The following VAV1 variants were observed in gnomAD, a reference collection of about 807,000 sequenced individuals.
The protein encoded by VAV1 is proto-oncogene vav.
Under a neutral mutation model 128.1 loss-of-function variants are expected in VAV1, and 33 were observed. The observed-to-expected ratio is 0.26, with a 90% CI of 0.20 to 0.34. The LOEUF (loss-of-function observed/expected upper bound fraction) is 0.34. Ranked by LOEUF, VAV1 falls within the 10% of genes least tolerant of loss-of-function variation. The probability of loss-of-function intolerance (pLI) is 1.00; values close to 1 mark genes in which losing one functional copy is unlikely to be tolerated. For missense variants in VAV1, 715 were observed against 1,093.7 expected, an observed-to-expected ratio of 0.65 and a Z score of 4.88; for synonymous variants, 394 against 409.8, an observed-to-expected ratio of 0.96 and a Z score of 0.47.
chr19:6,821,958 A>C, intron 4 of VAV1, 99 bp downstream of exon 4: 11 of 1,506,210 alleles, frequency 7.3e-6, no homozygotes, highest in Non-Finnish European at 1.0e-5. Context: ...AAATAAGGTC[A>C]TACCCTGGTG....
chr19:6,825,407 G>A lies in VAV1; in HGVS notation c.827+1G>A, dbSNP rs1568305670. 6.2e-7 allele frequency: 1 copy of A among 1,610,614 alleles called. No individual in the cohort carries two copies. Among genetic ancestry groups the A allele is most frequent in the Non-Finnish European group, 8.5e-7 (1 of 1,177,392 alleles). On this transcript the variant is annotated splice_donor_variant, in intron 8 of 26. Transcript: ENST00000602142. LOFTEE classifies it high-confidence loss of function. ...AGGTCTTCATCAAATACAAGGAGAG[G>A]TGAGACCCAGCTGGCCAGACTGAAG...
At chr19:6,802,756 G>A (rs572725543) in intron 1 of VAV1, among the ~76,000 whole-genome samples, 39 of 152,278 alleles carry the variant, frequency 2.6e-4, no homozygotes, top group African/African-American at 9.1e-4. Context: ...ACAGACTTTG[G>A]GATCCAGTGC....
intron 26 of VAV1, among the ~76,000 whole-genome samples, chr19:6,856,032 T>C (rs1972790789): frequency 6.6e-6 from 1 of 152,204 alleles, no homozygotes; most frequent in South Asian, 2.1e-4. Flanking sequence ...TGGTGGCTTA[T>C]GCCTGTAATC....
At chr19:6,799,588 G>A (rs970366794) in intron 1 of VAV1, among the ~76,000 whole-genome samples, 1 of 152,092 alleles carries the variant, frequency 6.6e-6, no homozygotes, top group African/African-American at 2.4e-5. Context: ...TTCTCCGAAT[G>A]CTATCCCTCT....
In VAV1 at chr19:6,777,164, C is replaced by T. The variant is rs561393819; in HGVS notation, c.204+4153C>T. 3.3e-5 allele frequency among the ~76,000 whole-genome samples: 5 copies of T among 151,928 alleles called. No homozygotes were observed. In the South Asian group the frequency reaches 8.3e-4, roughly 25 times the overall value. On this transcript the variant is annotated intron_variant, in intron 1 of 26. Coordinates refer to ENST00000602142, the MANE Select transcript of VAV1 (RefSeq NM_005428.4). This position sits in a 1 kb window ranked among gnomAD's most constrained non-coding sequence, Gnocchi z 4.4. ...TCCCATCCATCCATCCACTCATCCA[C>T]CCGTCTACTCATCTATCCATTCATC...
At chr19:6,852,861 A>C (rs1183701014) in intron 24 of VAV1, 104 bp from the exon 25 acceptor site, 2 of 850,188 alleles carry the variant, frequency 2.4e-6, no homozygotes. Context: ...GAGGCCAGAA[A>C]CAGGGCCTGC....
intron 26 of VAV1, among the ~76,000 whole-genome samples, chr19:6,856,555 C>G (rs1475648211): frequency 3.3e-5 from 5 of 151,148 alleles, no homozygotes; most frequent in Non-Finnish European, 7.4e-5. Context: ...AACCCCGTCT[C>G]TACTAAAAAT....
intron 1 of VAV1, among the ~76,000 whole-genome samples, chr19:6,800,792 T>TTTTTTTTGTGTGTGTG (rs1555699757): frequency 6.8e-6 from 1 of 147,612 alleles, no homozygotes; most frequent in Admixed American, 6.7e-5. Flanking sequence ...TGGCAAATTT[T>TTTTTTTTGTGTGTGTG]TGTGTGTGTG....
chr19:6,787,530 T>C (rs890615471), intron 1 of VAV1, among the ~76,000 whole-genome samples: 1 of 152,136 alleles, frequency 6.6e-6, no homozygotes, highest in Non-Finnish European at 1.5e-5. Context: ...CCTCAATCAT[T>C]CTTTTCCCTC....
At chr19:6,834,613 T>C (rs1972172536) in intron 19 of VAV1, among the ~76,000 whole-genome samples, 1 of 146,416 alleles carries the variant, frequency 6.8e-6, no homozygotes, top group South Asian at 2.1e-4. Context: ...AATAATATAT[T>C]AATATTAATT....
At position 6,780,573 on chromosome 19, in the gene VAV1, C is replaced by CT. The variant is rs34155628; in HGVS notation, c.204+7578dup. Among the ~76,000 whole-genome samples the CT allele has an allele frequency of 2.8e-3, 365 of 128,886 alleles. 7 individuals are homozygous for CT. Among genetic ancestry groups the CT allele is most frequent in the East Asian group, 0.012 (54 of 4,620 alleles). 84.6% of individuals were successfully genotyped at this position (128,886 alleles called of 152,430 possible). On this transcript the variant is annotated intron_variant, in intron 1 of 26. Transcript: ENST00000602142. ...TGCCTTCTCCTTTTCTTTCTTTTTT[C>CT]TTTTTTTTTTTTTTTTGGGACGGAG...
At chr19:6,853,100 G>A (rs1972707868) in intron 25 of VAV1, 21 bp downstream of exon 25, 12 of 1,606,682 alleles carry the variant, frequency 7.5e-6, no homozygotes, top group Non-Finnish European at 8.5e-6. Flanking sequence ...TCAGACTGGG[G>A]GCTTACAGCC....
chr19:6,826,358 A>T lies in VAV1; in HGVS notation c.828-254A>T, dbSNP rs1005023224. Among the ~76,000 whole-genome samples the T allele has an allele frequency of 2.0e-5, 3 of 152,206 alleles. No individual in the cohort carries two copies. The highest frequency in any genetic ancestry group is 2.9e-5 in the Non-Finnish European group (2 of 68,044). Reference sequence around the variant, plus strand: ...CGTCTCAAAAATAAATAAATTAATTAAATTAAATAAAAATAAATAAACATT... The same window carrying T: ...CGTCTCAAAAATAAATAAATTAATTTAATTAAATAAAAATAAATAAACATT... On this transcript the variant is annotated intron_variant, in intron 8 of 26. Coordinates refer to ENST00000602142, the MANE Select transcript of VAV1 (RefSeq NM_005428.4). This position sits in a 1 kb window ranked among gnomAD's most constrained non-coding sequence, Gnocchi z 4.1.
At chr19:6,843,472 AT>A (rs1972431250) in intron 22 of VAV1, among the ~76,000 whole-genome samples, 1 of 151,900 alleles carries the variant, frequency 6.6e-6, no homozygotes, top group Non-Finnish European at 1.5e-5. Flanking sequence ...TTTTTGTAGG[AT>A]TTTTTGTTTT....
intron 1 of VAV1, among the ~76,000 whole-genome samples, chr19:6,818,724 G>C (rs8105950): frequency 0.029 from 4,487 of 152,198 alleles, 217 homozygotes; most frequent in African/African-American, 0.1. Context: ...GTAAACTAGG[G>C]TGCAGGCAGG....
At chr19:6,783,792 T>G (rs1194371837) in intron 1 of VAV1, among the ~76,000 whole-genome samples, 9 of 151,724 alleles carry the variant, frequency 5.9e-5, no homozygotes, top group Non-Finnish European at 1.3e-4. Flanking sequence ...TGGCCAGAAC[T>G]TGGTCACATG....
intron 1 of VAV1, among the ~76,000 whole-genome samples, chr19:6,786,050 T>C (rs1191352480): frequency 6.6e-6 from 1 of 152,172 alleles, no homozygotes; most frequent in Non-Finnish European, 1.5e-5. Flanking sequence ...TCATGTTTTA[T>C]TTTTCTCCAT....
In VAV1 at chr19:6,822,653, C is replaced by T. The variant is rs1971822679; in HGVS notation, c.654+139C>T. On this transcript the variant is annotated intron_variant, in intron 6 of 26. Coordinates refer to ENST00000602142, the MANE Select transcript of VAV1 (RefSeq NM_005428.4). The surrounding 1 kb of genome is among the most constrained non-coding windows in gnomAD (Gnocchi z 5.9). ...TTTTCCTTTCTGTGACTGTCTCCGT[C>T]TCTGAGTTTCTCTGACTTACATATG... 1.6e-6 allele frequency: 1 copy of T among 629,142 alleles called. No individual in the cohort carries two copies. Among genetic ancestry groups the T allele is most frequent in the African/African-American group, 1.9e-5 (1 of 53,970 alleles). The allele number at this position is 629,142 out of a possible 1,614,324, so 39.0% of individuals were successfully genotyped here. A position where few individuals can be genotyped will look rare whatever the true frequency, so the allele number is the denominator to read the frequency against.
intron 1 of VAV1, among the ~76,000 whole-genome samples, chr19:6,806,289 G>A (rs1236498872): frequency 1.3e-5 from 2 of 152,170 alleles, no homozygotes; most frequent in Admixed American, 6.6e-5. Context: ...GTTTCACCAT[G>A]TTGGTCTGGC....
Sources: allele counts gnomAD v4.1 joint callset (sites outside exome capture counted in the v4.1 genomes callset), GRCh38; gene constraint gnomAD v4.1.1; non-coding constraint Gnocchi (gnomAD v3.1); transcripts MANE v1.5; gene names NCBI Gene and HGNC (gene_info 2026-07-23, HGNC 2026-07-21).